The following GPKOW variants were observed in gnomAD, a reference collection of about 807,000 sequenced individuals.
The protein encoded by GPKOW is G-patch domain and KOW motifs-containing protein.
For synonymous variants in GPKOW, 167 were observed against 159.1 expected (o/e 1.05, Z -0.37); for missense variants, 359 against 404.7 (o/e 0.89, Z 0.97).
rs1602562481 is a variant in GPKOW, at chrX:49,116,302, G to A, written c.935C>T (p.Ser312Leu). ...LDLRQQNGTA[S>L]SRKTLWNQEL... ...TTGATTCCAGAGGGTCTTCCGTGATGAGGCAGTTCCGTTCTGTTGCCCTGG... is the reference window on the plus strand; with the variant it reads ...TTGATTCCAGAGGGTCTTCCGTGATAAGGCAGTTCCGTTCTGTTGCCCTGG... The change falls in exon 7 of 11, where the codon TCA (serine) becomes TTA (leucine). Residue 312 changes from serine to leucine, a missense_variant. By Grantham distance (145) the Ser-to-Leu change is moderately radical. Coordinates refer to ENST00000156109, the MANE Select transcript of GPKOW (RefSeq NM_015698.6). 1.7e-6 allele frequency: 2 copies of A among 1,199,473 alleles called. No individual in the cohort carries two copies. Among genetic ancestry groups the A allele is most frequent in the Non-Finnish European group, 2.3e-6 (2 of 884,339 alleles).
rs1557090437 is a variant in GPKOW, at chrX:49,117,603, A to G, written c.774T>C (p.Tyr258=). 3.3e-6 allele frequency: 4 copies of G among 1,201,421 alleles called. No individual in the cohort carries two copies. The highest frequency in any genetic ancestry group is 5.9e-5 in the East Asian group (2 of 33,776). Residue 258 remains tyrosine, a synonymous_variant, in exon 5 of 11, where the codon TAT becomes TAC. Coordinates refer to ENST00000156109, the MANE Select transcript of GPKOW (RefSeq NM_015698.6). The stretch of plus-strand genomic sequence containing the variant: ...GGATATCTTGGTTCCTTACCTTCCC[A>G]TAGAGGCCTCGGTGAGGGCCAGAAA... The part of the protein sequence containing the change: ...VVLSGPHRGL[Y]GKVEGLDPDN...
intron 3 of GPKOW, among the ~76,000 whole-genome samples, chrX:49,122,122 T>C (rs924160085): frequency 2.7e-5 from 3 of 112,270 alleles, no homozygotes; most frequent in African/African-American, 9.7e-5. Context: ...TCCTTGGTGT[T>C]CCGCAAACAC....
intron 3 of GPKOW, among the ~76,000 whole-genome samples, chrX:49,121,620 G>C (rs1359350275): frequency 4.5e-5 from 5 of 110,425 alleles, no homozygotes; most frequent in Non-Finnish European, 7.6e-5. Context: ...GACAGACTTG[G>C]TTACTTCTGT....
intron 4 of GPKOW, among the ~76,000 whole-genome samples, chrX:49,118,294 T>G (rs12845571): frequency 0.075 from 8,326 of 111,578 alleles, 270 homozygotes; most frequent in South Asian, 0.28. Context: ...AACAGCAATT[T>G]CATTTGGTTC....
At chrX:49,116,141 G>T in intron 7 of GPKOW, 80 bp downstream of exon 7, 1 of 1,087,911 alleles carries the variant, frequency 9.2e-7, no homozygotes, top group Non-Finnish European at 1.3e-6. Flanking sequence ...AGCCCGCCTT[G>T]CCTTGGAAGC....
At chrX:49,117,251 G>A (rs2065196838) in intron 5 of GPKOW, 89 bp from the exon 6 acceptor site, 2 of 977,113 alleles carry the variant, frequency 2.0e-6, no homozygotes, top group African/African-American at 3.8e-5. Context: ...ACCTCTAAGA[G>A]GCCTGCTTCC....
intron 5 of GPKOW, 137 bp from the exon 6 acceptor site, chrX:49,117,299 G>A: frequency 1.6e-6 from 1 of 634,933 alleles, no homozygotes; most frequent in Non-Finnish European, 2.4e-6. Flanking sequence ...CTGAGAAGTG[G>A]GACCAGGTCT....
At chrX:49,118,164 G>A (rs2065200729) in intron 4 of GPKOW, among the ~76,000 whole-genome samples, 2 of 109,569 alleles carry the variant, frequency 1.8e-5, no homozygotes, top group Non-Finnish European at 3.8e-5. Context: ...CAGGTGATCC[G>A]TCCTCTTTGG....
At chrX:49,119,456 C>T (rs1379714195) in intron 4 of GPKOW, among the ~76,000 whole-genome samples, 5 of 111,357 alleles carry the variant, frequency 4.5e-5, no homozygotes, top group Non-Finnish European at 7.5e-5. Context: ...GAAGTCAGTA[C>T]TATTACCCCC....
chrX:49,116,074 C>T, intron 7 of GPKOW, 60 bp from the exon 8 acceptor site: 1 of 1,187,596 alleles, frequency 8.4e-7, no homozygotes, highest in Non-Finnish European at 1.1e-6. Flanking sequence ...TCCAGTTGCC[C>T]TCCCTTTGCC....
In GPKOW at chrX:49,122,489, G is replaced by T; in HGVS notation, c.365C>A (p.Ala122Glu). The T allele has an allele frequency of 8.3e-7, 1 of 1,204,091 alleles. No homozygotes were observed. The highest frequency in any genetic ancestry group is 2.2e-5 in the Admixed American group (1 of 44,515). Residue 122 changes from alanine to glutamate, a missense_variant, in exon 3 of 11, where the codon GCG (alanine) becomes GAG (glutamate). Ala to Glu is a moderately radical substitution (Grantham distance 107). Transcript: ENST00000156109. ...GATAGCGAGCGTGGGGTCGACACCC[G>T]CATTCTCTCTCTCTTCCAGAGACTT... ...SKKSLEEREN[A>E]GVDPTLAIPM...
At chrX:49,116,579 T>C (rs782233843) in intron 6 of GPKOW, among the ~76,000 whole-genome samples, 8 of 111,308 alleles carry the variant, frequency 7.2e-5, no homozygotes, top group Admixed American at 6.8e-4. Flanking sequence ...GCTCACCTAG[T>C]GTGGACTAGA....
chrX:49,122,560 C>G lies in GPKOW; in HGVS notation c.332-38G>C, dbSNP rs1557091229. 2.5e-6 allele frequency: 3 copies of G among 1,206,739 alleles called. No individual in the cohort carries two copies. In the African/African-American group the frequency reaches 5.2e-5, roughly 21 times the overall value. On this transcript the variant is annotated intron_variant, in intron 2 of 10. Coordinates refer to ENST00000156109, the MANE Select transcript of GPKOW (RefSeq NM_015698.6). The stretch of plus-strand genomic sequence containing the variant: ...TAGGAGGGAGCAATGAAGTCCCACT[C>G]TATCCTTCCACCTTCTTCCTCTTCT...
In GPKOW at chrX:49,122,434, G is replaced by T; in HGVS notation, c.420C>A (p.Ser140Arg). ...IPMIQKGCTP[S>R]GEGADSEPRA... ...GGGGTTCGCTGTCTGCCCCTTCCCC[G>T]CTGGGGGTGCATCCTTTCTGGATCA... Residue 140 changes from serine (S) to arginine (R), a missense_variant, in exon 3 of 11, where the codon AGC becomes AGA. Transcript: ENST00000156109. The T allele has an allele frequency of 8.5e-7, 1 of 1,182,571 alleles. No individual in the cohort carries two copies. Among genetic ancestry groups the T allele is most frequent in the Admixed American group, 2.5e-5 (1 of 39,468 alleles).
intron 5 of GPKOW, 87 bp from the exon 6 acceptor site, chrX:49,117,249 G>C: frequency 1.0e-6 from 1 of 989,044 alleles, no homozygotes; most frequent in Non-Finnish European, 1.4e-6. Context: ...TTACCTCTAA[G>C]AGGCCTGCTT....
At chrX:49,119,216 C>G (rs2065205174) in intron 4 of GPKOW, among the ~76,000 whole-genome samples, 1 of 110,095 alleles carries the variant, frequency 9.1e-6, no homozygotes, top group Admixed American at 9.8e-5. Context: ...CTCAGCCTCC[C>G]AAAGTGCTGG....
chrX:49,117,494 G>A, intron 5 of GPKOW, 103 bp downstream of exon 5: 1 of 607,592 alleles, frequency 1.6e-6, no homozygotes, highest in Non-Finnish European at 2.7e-6. Context: ...AAGACTAGGA[G>A]TCCCAGCCTT....
At chrX:49,113,807 G>A in intron 10 of GPKOW, 46 bp downstream of exon 10, 1 of 1,202,079 alleles carries the variant, frequency 8.3e-7, no homozygotes, top group Non-Finnish European at 1.1e-6. Flanking sequence ...CCCTGGGACA[G>A]GCCCTGAACG....
In GPKOW at chrX:49,123,630, C is replaced by A. The variant is rs1274123851; in HGVS notation, c.93G>T (p.Arg31=). Residue 31 remains arginine, a synonymous_variant, in exon 1 of 11, where the codon CGG becomes CGT. Coordinates refer to ENST00000156109, the MANE Select transcript of GPKOW (RefSeq NM_015698.6). ...CCGCGCCGTCTCCCGAGTCGGCCAGCCGCCTCCGTGCGGACGTGCGAGTGA... is the reference window on the plus strand; with the variant it reads ...CCGCGCCGTCTCCCGAGTCGGCCAGACGCCTCCGTGCGGACGTGCGAGTGA... ...FGFTRTSARR[R]LADSGDGAGP... The A allele has an allele frequency of 8.3e-7, 1 of 1,208,214 alleles. No individual in the cohort carries two copies. The highest frequency in any genetic ancestry group is 1.1e-6 in the Non-Finnish European group (1 of 893,946).
Sources: gnomAD v4.1 joint callset for allele counts (sites outside exome capture counted in the v4.1 genomes callset) on GRCh38, gnomAD v4.1.1 for gene constraint, MANE v1.5 for transcripts, NCBI Gene and HGNC (gene_info 2026-07-23, HGNC 2026-07-21) for gene names.